The following ANKS1B variants were observed in gnomAD, a reference collection of about 807,000 sequenced individuals.
ANKS1B encodes ankyrin repeat and sterile alpha motif domain-containing protein 1B.
A neutral mutation model predicts 148.3 loss-of-function variants in ANKS1B; 36 were observed. That is an observed-to-expected ratio of 0.24 (90% CI 0.19 to 0.32). The LOEUF is 0.32. Ranked by LOEUF, ANKS1B falls within the 10% of genes least tolerant of loss-of-function variation. ANKS1B has a pLI of 1.00. For synonymous variants in ANKS1B, 542 were observed against 560.8 expected (o/e 0.97, Z 0.47); for missense variants, 1,157 against 1,542.6 (o/e 0.75, Z 4.19).
At chr12:98,855,025 G>A (rs1484304041) in intron 17 of ANKS1B, among the ~76,000 whole-genome samples, 1 of 152,016 alleles carries the variant, frequency 6.6e-6, no homozygotes, top group Non-Finnish European at 1.5e-5. Context: ...CGGGCGCGGT[G>A]GCGGGCGCCT....
chr12:99,823,898 T>C (rs2082828877), intron 2 of ANKS1B, among the ~76,000 whole-genome samples: 1 of 152,218 alleles, frequency 6.6e-6, no homozygotes. Context: ...CAGATGGCTA[T>C]AGGTGTATGG....
At chr12:99,919,527 C>T (rs1054034975) in intron 1 of ANKS1B, among the ~76,000 whole-genome samples, 1 of 152,064 alleles carries the variant, frequency 6.6e-6, no homozygotes, top group Non-Finnish European at 1.5e-5. Context: ...GATTAAAACA[C>T]AGATTCACAA....
At chr12:99,519,186 T>C (rs1176170577) in intron 9 of ANKS1B, among the ~76,000 whole-genome samples, 1 of 152,148 alleles carries the variant, frequency 6.6e-6, no homozygotes, top group Non-Finnish European at 1.5e-5. Flanking sequence ...GAACAGAATG[T>C]GTATTCTTCA....
intron 12 of ANKS1B, among the ~76,000 whole-genome samples, chr12:99,370,309 T>TA (rs539392066): frequency 1.6e-3 from 248 of 152,158 alleles, no homozygotes; most frequent in African/African-American, 5.8e-3. Context: ...TTAGGGGAAA[T>TA]ATTGGCAGGG....
intron 22 of ANKS1B, among the ~76,000 whole-genome samples, chr12:98,789,724 G>C (rs1417265557): frequency 1.3e-5 from 2 of 152,196 alleles, no homozygotes; most frequent in African/African-American, 2.4e-5. Flanking sequence ...GGAAATGACA[G>C]AATGACCAAC....
intron 17 of ANKS1B, among the ~76,000 whole-genome samples, chr12:98,846,776 G>C (rs2099475529): frequency 1.3e-5 from 2 of 152,112 alleles, no homozygotes; most frequent in Non-Finnish European, 2.9e-5. Context: ...ACTCTTTCGA[G>C]TTAAATACTA....
chr12:99,446,519 A>G (rs1240148234), intron 10 of ANKS1B, among the ~76,000 whole-genome samples: 1 of 152,086 alleles, frequency 6.6e-6, no homozygotes, highest in Non-Finnish European at 1.5e-5. Context: ...TATTTTACAG[A>G]GAAACTCATC....
chr12:99,605,649 A>G (rs913245317), intron 9 of ANKS1B, among the ~76,000 whole-genome samples: 1 of 152,134 alleles, frequency 6.6e-6, no homozygotes, highest in Admixed American at 6.6e-5. Flanking sequence ...CCATGTTGCT[A>G]GAAATGACAG....
intron 17 of ANKS1B, among the ~76,000 whole-genome samples, chr12:99,005,055 A>T (rs754062968): frequency 4.6e-5 from 7 of 152,240 alleles, no homozygotes; most frequent in Non-Finnish European, 8.8e-5. Flanking sequence ...CCCACGGAGT[A>T]AAATATTCTG....
intron 17 of ANKS1B, among the ~76,000 whole-genome samples, chr12:98,939,368 C>G (rs2099831034): frequency 6.6e-6 from 1 of 152,138 alleles, no homozygotes; most frequent in African/African-American, 2.4e-5. Context: ...AAAAGTTTAG[C>G]CTATAAATTG....
intron 8 of ANKS1B, among the ~76,000 whole-genome samples, chr12:99,770,606 T>C (rs2063102309): frequency 6.6e-6 from 1 of 152,192 alleles, no homozygotes; most frequent in Non-Finnish European, 1.5e-5. Context: ...TTCTATCAGA[T>C]TCATCTTCTG....
In ANKS1B at chr12:99,924,804, G is replaced by A. The variant is rs190921461; in HGVS notation, c.134+59300C>T. Among the ~76,000 whole-genome samples, 662 of 152,216 alleles carry A rather than the reference G, an allele frequency of 4.3e-3. 3 individuals carry two copies. Among genetic ancestry groups the A allele is most frequent in the Non-Finnish European group, 7.1e-3 (481 of 68,018 alleles). On this transcript the variant is annotated intron_variant, in intron 1 of 26. Coordinates refer to ENST00000683438, the MANE Select transcript of ANKS1B (RefSeq NM_001352186.2). Reference sequence around the variant, plus strand: ...AAATGAATTGTTTATAAGCCACTCAGTCAATGGTATCTTATTATAGCTGCC... The same window carrying A: ...AAATGAATTGTTTATAAGCCACTCAATCAATGGTATCTTATTATAGCTGCC...
chr12:99,138,958 T>C (rs1057135845), intron 15 of ANKS1B, among the ~76,000 whole-genome samples: 1 of 151,792 alleles, frequency 6.6e-6, no homozygotes, highest in African/African-American at 2.4e-5. Context: ...TTTCTCTCTC[T>C]TTTTTCTTTT....
At chr12:99,874,154 T>C (rs1201643704) in intron 1 of ANKS1B, among the ~76,000 whole-genome samples, 3 of 151,962 alleles carry the variant, frequency 2.0e-5, no homozygotes, top group Admixed American at 6.6e-5. Context: ...CACTTTATTA[T>C]ATCCAAATAA....
At chr12:98,838,582 C>T (rs753018900) in intron 17 of ANKS1B, among the ~76,000 whole-genome samples, 11 of 152,212 alleles carry the variant, frequency 7.2e-5, no homozygotes, top group African/African-American at 1.4e-4. Flanking sequence ...GTTCTCACCA[C>T]CAGGCGACTG....
At chr12:99,397,811 A>G (rs749235058) in intron 12 of ANKS1B, among the ~76,000 whole-genome samples, 9 of 152,144 alleles carry the variant, frequency 5.9e-5, no homozygotes, top group Non-Finnish European at 1.2e-4. Context: ...TTTTATTGTT[A>G]TAATTCTTAT....
chr12:99,440,500 A>C (rs1594837555), intron 11 of ANKS1B, among the ~76,000 whole-genome samples: 1 of 151,796 alleles, frequency 6.6e-6, no homozygotes, highest in African/African-American at 2.4e-5. Flanking sequence ...CAAAGAGAAA[A>C]GAGTAATAAC....
rs567980562 is a variant in ANKS1B at position 98,984,116 on chromosome 12, T to C, written c.2778+69041A>G. 7.8e-4 allele frequency among the ~76,000 whole-genome samples: 119 copies of C among 152,342 alleles called. 1 individual carries two copies. Among genetic ancestry groups the C allele is most frequent in the African/African-American group, 2.8e-3 (116 of 41,580 alleles). The stretch of plus-strand genomic sequence containing the variant: ...ACACATGCTGACAAGTCTTTTGAGA[T>C]AATCCCTTCTCTATTTTTGGCTTCT... On this transcript the variant is annotated intron_variant, in intron 17 of 26. Coordinates refer to ENST00000683438, the MANE Select transcript of ANKS1B (RefSeq NM_001352186.2).
At chr12:99,255,507 C>A (rs2075152124) in intron 12 of ANKS1B, among the ~76,000 whole-genome samples, 1 of 151,900 alleles carries the variant, frequency 6.6e-6, no homozygotes, top group Admixed American at 6.6e-5. Context: ...TCTTTCTATG[C>A]CTTTTCTGGA....
Sources: gnomAD v4.1 joint callset for allele counts (sites outside exome capture counted in the v4.1 genomes callset) on GRCh38, gnomAD v4.1.1 for gene constraint, MANE v1.5 for transcripts, NCBI Gene and HGNC (gene_info 2026-07-23, HGNC 2026-07-21) for gene names.